Variants in KIF2A observed in about 807,000 individuals in gnomAD.
KIF2A encodes kinesin family member 2A, also known as kinesin-like protein KIF2A.
In KIF2A, 22 loss-of-function variants were observed where a neutral mutation model predicts 100.2. The observed-to-expected ratio is 0.22, with a 90% CI of 0.16 to 0.31. The LOEUF is 0.31. KIF2A is among the 10% of genes least tolerant of loss of function. The pLI, the probability that KIF2A is intolerant of heterozygous loss-of-function variation, is 1.00. For synonymous variants in KIF2A, 268 were observed against 285.9 expected, an observed-to-expected ratio of 0.94 and a Z score of 0.63; for missense variants, 495 against 898.7, an observed-to-expected ratio of 0.55 and a Z score of 5.74.
chr5:62,353,109 GT>G, intron 5 of KIF2A, 165 bp from the exon 6 acceptor site: 2 of 491,886 alleles, frequency 4.1e-6, no homozygotes, highest in Non-Finnish European at 7.3e-6. Context: ...TCCTATTTTA[GT>G]TTTGGTAAAG....
chr5:62,372,678 G>C (rs1741377230), intron 17 of KIF2A, 127 bp downstream of exon 17: 1 of 588,512 alleles, frequency 1.7e-6, no homozygotes, highest in Admixed American at 3.4e-5. Context: ...TCATTTGGCA[G>C]GTGGTGGTTG....
chr5:62,351,296 G>A (rs956937604), intron 4 of KIF2A, among the ~76,000 whole-genome samples: 5 of 151,894 alleles, frequency 3.3e-5, no homozygotes, highest in Non-Finnish European at 5.9e-5. Flanking sequence ...ATTATGAAAT[G>A]CAATTTTTAA....
chr5:62,328,279 A>G (rs1404963050), intron 1 of KIF2A, among the ~76,000 whole-genome samples: 1 of 148,946 alleles, frequency 6.7e-6, no homozygotes, highest in Non-Finnish European at 1.5e-5. Context: ...TAGTTAACTT[A>G]TTTAGTAAAC....
intron 1 of KIF2A, among the ~76,000 whole-genome samples, chr5:62,339,587 T>G (rs2082060214): frequency 7.3e-6 from 1 of 137,180 alleles, no homozygotes; most frequent in Non-Finnish European, 1.6e-5. Context: ...AGTACACATA[T>G]GTAAGAATGT....
At chr5:62,362,363 A>G (rs1748452393) in intron 11 of KIF2A, 87 bp from the exon 12 acceptor site, 2 of 545,684 alleles carry the variant, frequency 3.7e-6, no homozygotes, top group Non-Finnish European at 6.2e-6. Flanking sequence ...GTAAAGAGTA[A>G]CTGATTCCTC....
At chr5:62,314,069 G>C (rs1371375341) in intron 1 of KIF2A, among the ~76,000 whole-genome samples, 1 of 152,148 alleles carries the variant, frequency 6.6e-6, no homozygotes, top group African/African-American at 2.4e-5. Flanking sequence ...TGGGATTACA[G>C]GTGTGAGCCA....
At position 62,389,900 on chromosome 5, in the gene KIF2A, G is replaced by A. The variant is rs181012969; in HGVS notation, c.*4331G>A. 2.0e-5 allele frequency among the ~76,000 whole-genome samples: 3 copies of A among 152,272 alleles called. No homozygotes were observed. The highest frequency in any genetic ancestry group is 3.9e-4 in the East Asian group (2 of 5,194). ...GAAAATATTTCTCTTTAGACCTGAGGTTATGTTTAGGCTGGCCCATAGAAA... is the reference window on the plus strand; with the variant it reads ...GAAAATATTTCTCTTTAGACCTGAGATTATGTTTAGGCTGGCCCATAGAAA... On this transcript the variant is annotated 3_prime_UTR_variant, in exon 21 of 21. Coordinates refer to ENST00000407818, the MANE Select transcript of KIF2A (RefSeq NM_001098511.3).
chr5:62,363,857 G>T lies in KIF2A; in HGVS notation c.1425G>T (p.Arg475Ser). The T allele has an allele frequency of 6.2e-7, 1 of 1,613,588 alleles. No individual in the cohort carries two copies. ...ADTSSADRQT[R>S]LEGAEINKSL... ...CTTCCAGTGCGGACAGGCAAACTAG[G>T]CTTGAAGGTGCTGAAATTAATAAAA... Residue 475 changes from arginine to serine, a missense_variant, in exon 14 of 21, where the codon AGG becomes AGT. By Grantham distance (110) the Arg-to-Ser change is moderately radical (BLOSUM62 -1). Around this residue, in one of 10 missense-constraint regions of KIF2A, gnomAD observed 16 missense variants for 78.1 expected, o/e 0.20. Coordinates refer to ENST00000407818, the MANE Select transcript of KIF2A (RefSeq NM_001098511.3).
intron 4 of KIF2A, among the ~76,000 whole-genome samples, chr5:62,352,232 C>T (rs925609001): frequency 2.0e-5 from 3 of 151,074 alleles, no homozygotes; most frequent in African/African-American, 7.3e-5. Flanking sequence ...AGACGTGGAG[C>T]GGTTTATATA....
At chr5:62,373,867 A>G (rs1406115469) in intron 18 of KIF2A, 30 bp downstream of exon 18, 1 of 1,528,880 alleles carries the variant, frequency 6.5e-7, no homozygotes, top group Non-Finnish European at 9.0e-7. Flanking sequence ...AAATGTTATA[A>G]TCTTAGTTCA....
intron 1 of KIF2A, among the ~76,000 whole-genome samples, chr5:62,334,301 C>G (rs373308342): frequency 6.6e-6 from 1 of 152,026 alleles, no homozygotes; most frequent in East Asian, 1.9e-4. Context: ...CATGATGCCC[C>G]AGGACTTTGT....
At position 62,390,557 on chromosome 5, in the gene KIF2A, T is replaced by G. The variant is rs1429843067; in HGVS notation, c.*4988T>G. ...TTTTGGAGGGATAAGCTATTAAGAC[T>G]AAGACTATGAATGAGAGTTGGGGAA... On this transcript the variant is annotated 3_prime_UTR_variant, in exon 21 of 21. Coordinates refer to ENST00000407818, the MANE Select transcript of KIF2A (RefSeq NM_001098511.3). Among the ~76,000 whole-genome samples the G allele has an allele frequency of 6.6e-6, 1 of 152,188 alleles. No homozygotes were observed. Among genetic ancestry groups the G allele is most frequent in the Non-Finnish European group, 1.5e-5 (1 of 68,020 alleles).
chr5:62,326,812 A>G (rs1746402168), intron 1 of KIF2A, among the ~76,000 whole-genome samples: 1 of 152,126 alleles, frequency 6.6e-6, no homozygotes, highest in South Asian at 2.1e-4. Context: ...CCTGGGCAAC[A>G]TGGTGAAACT....
Position 62,306,248 on chromosome 5 carries a change from C to T in KIF2A, c.-225C>T, listed in dbSNP as rs897608545. 4 of 524,484 alleles carry T rather than the reference C, an allele frequency of 7.6e-6. No individual in the cohort carries two copies. The highest frequency in any genetic ancestry group is 3.5e-5 in the East Asian group (1 of 28,592). The allele number at this position is 524,484 out of a possible 1,614,324, so 32.5% of individuals were successfully genotyped here. A position where few individuals can be genotyped will look rare whatever the true frequency, so the allele number is the denominator to read the frequency against. On this transcript the variant is annotated 5_prime_UTR_variant, in exon 1 of 21. Transcript: ENST00000407818. ...CTCACGGCCCCGGCCCTAGCTTCAC[C>T]CCGACTACCCGGCGTGCGCGTCCTC...
At chr5:62,361,137 G>A in intron 9 of KIF2A, 105 bp from the exon 10 acceptor site, 2 of 506,644 alleles carry the variant, frequency 3.9e-6, no homozygotes, top group Non-Finnish European at 3.4e-6. Context: ...TTAGAATCTT[G>A]CTATTAAGTT....
At position 62,314,205 on chromosome 5, in the gene KIF2A, G is replaced by A. The variant is rs563489432; in HGVS notation, c.64+7669G>A. The stretch of plus-strand genomic sequence containing the variant: ...AGACTGGCTCGGTGTGGTGTCTCAT[G>A]CCTGTAATCCCAGCACTTTGGGAGG... On this transcript the variant is annotated intron_variant, in intron 1 of 20. Coordinates refer to ENST00000407818, the MANE Select transcript of KIF2A (RefSeq NM_001098511.3). 3.3e-5 allele frequency among the ~76,000 whole-genome samples: 5 copies of A among 152,234 alleles called. No individual in the cohort carries two copies. In the East Asian group the frequency reaches 9.7e-4, roughly 29 times the overall value.
chr5:62,343,103 A>G (rs1036994091), intron 1 of KIF2A, among the ~76,000 whole-genome samples: 4 of 152,144 alleles, frequency 2.6e-5, no homozygotes, highest in Non-Finnish European at 2.9e-5. Flanking sequence ...TTTTATCTTT[A>G]GCAGTAAACC....
Position 62,350,115 on chromosome 5 carries a change from A to G in KIF2A, c.329A>G (p.Asn110Ser). ...AAGAATGACCCTCCTTCAAGAGATAATAGAGGTAAAGTAAAAATTTATCTC... is the reference window on the plus strand; with the variant it reads ...AAGAATGACCCTCCTTCAAGAGATAGTAGAGGTAAAGTAAAAATTTATCTC... ...SIKNDPPSRD[N>S]RVVGSARARP... Residue 110 changes from asparagine to serine, a missense_variant, in exon 4 of 21, where the codon AAT becomes AGT. Transcript: ENST00000407818. 1.3e-6 allele frequency: 2 copies of G among 1,570,110 alleles called. No individual in the cohort carries two copies. The highest frequency in any genetic ancestry group is 1.7e-6 in the Non-Finnish European group (2 of 1,154,748).
chr5:62,374,037 C>A (rs1741433192), intron 18 of KIF2A, among the ~76,000 whole-genome samples, 200 bp downstream of exon 18: 1 of 152,068 alleles, frequency 6.6e-6, no homozygotes, highest in African/African-American at 2.4e-5. Flanking sequence ...TTTAATGAGA[C>A]CCTTTCTCTA....
Sources: allele counts gnomAD v4.1 joint callset (sites outside exome capture counted in the v4.1 genomes callset), GRCh38; gene constraint gnomAD v4.1.1; regional missense constraint gnomAD v4.1.1; transcripts MANE v1.5; gene names NCBI Gene and HGNC (gene_info 2026-07-23, HGNC 2026-07-21).